DDX21: variants seen among roughly 807,000 people sequenced by gnomAD.
DDX21 encodes the protein DExD-box helicase 21, also known as nucleolar RNA helicase 2.
In DDX21, 18 loss-of-function variants were observed where a neutral mutation model predicts 90.0. The ratio of observed to expected loss-of-function variants is 0.20; its 90% CI spans 0.14 to 0.30. DDX21 has a LOEUF of 0.30. DDX21 is among the 10% of genes least tolerant of loss of function. The pLI is 1.00. For missense variants in DDX21, 673 were observed against 944.5 expected, an observed-to-expected ratio of 0.71 and a Z score of 3.77; for synonymous variants, 294 against 318.0, an observed-to-expected ratio of 0.92 and a Z score of 0.80.
rs182572386 is a variant in DDX21 at position 68,977,402 on chromosome 10, T to G, written c.1743-127T>G. The G allele has an allele frequency of 1.1e-4, 93 of 835,500 alleles. No individual in the cohort carries two copies. In the East Asian group the frequency reaches 2.0e-3, roughly 18 times the overall value. 51.8% of individuals were successfully genotyped at this position (835,500 alleles called of 1,614,324 possible). A position where few individuals can be genotyped will look rare whatever the true frequency, so the allele number is the denominator to read the frequency against. The stretch of plus-strand genomic sequence containing the variant: ...CTATAGAAATATGATTATTATATAC[T>G]GCATCAAAAATAAATATGTTACACA... On this transcript the variant is annotated intron_variant, in intron 11 of 14. Transcript: ENST00000354185.
intron 4 of DDX21, chr10:68,964,238 T>C (rs1201240883): frequency 1.1e-5 from 3 of 271,578 alleles, no homozygotes; most frequent in Non-Finnish European, 2.2e-5. Flanking sequence ...ATTAACCTCA[T>C]TGAAATGACT....
Position 68,963,394 on chromosome 10 carries a change from A to T in DDX21, c.711A>T (p.Thr237=), listed in dbSNP as rs1842898127. The change falls in exon 4 of 15, where the codon ACA becomes ACT. Residue 237 remains threonine, a synonymous_variant. Coordinates refer to ENST00000354185, the MANE Select transcript of DDX21 (RefSeq NM_004728.4). ...AGGCACGGACAGGAACTGGGAAGAC[A>T]TTCTCCTTTGCCATCCCTTTGATTG... The part of the protein sequence containing the change: ...IAQARTGTGK[T]FSFAIPLIEK... 1.2e-6 allele frequency: 2 copies of T among 1,614,184 alleles called. No individual in the cohort carries two copies. Among genetic ancestry groups the T allele is most frequent in the Non-Finnish European group, 1.7e-6 (2 of 1,180,026 alleles).
At chr10:68,968,939 T>C (rs1319139308) in intron 6 of DDX21, 37 bp from the exon 7 acceptor site, 1 of 1,608,798 alleles carries the variant, frequency 6.2e-7, no homozygotes, top group South Asian at 1.1e-5. Context: ...CTTGTTTGGA[T>C]TATTCATACT....
Position 68,956,185 on chromosome 10 carries a change from C to T in DDX21, c.-41C>T, listed in dbSNP as rs1218985030. 7 of 1,600,886 alleles carry T rather than the reference C, an allele frequency of 4.4e-6. No individual in the cohort carries two copies. Among genetic ancestry groups the T allele is most frequent in the Non-Finnish European group, 6.0e-6 (7 of 1,169,716 alleles). On this transcript the variant is annotated 5_prime_UTR_variant, in exon 1 of 15. Coordinates refer to ENST00000354185, the MANE Select transcript of DDX21 (RefSeq NM_004728.4). ...GGGGAACTACCTCTTCCTCTCCACG[C>T]GGTTGAGAAGACCGGTCGGCCTGGG...
Position 68,960,205 on chromosome 10 carries a change from C to G in DDX21, c.487C>G (p.Pro163Ala). 6.2e-7 allele frequency: 1 copy of G among 1,608,330 alleles called. No homozygotes were observed. The highest frequency in any genetic ancestry group is 1.3e-5 in the African/African-American group (1 of 74,460). The change falls in exon 2 of 15, where the codon CCC (proline) becomes GCC (alanine). Residue 163 changes from proline (P) to alanine (A), a missense_variant. Around this residue, in one of 4 missense-constraint regions of DDX21, gnomAD observed 204 missense variants for 221.6 expected, o/e 0.92. Coordinates refer to ENST00000354185, the MANE Select transcript of DDX21 (RefSeq NM_004728.4). Reference protein sequence around the residue: ...GFPHPEPDCNPSEAASEESNS... With the variant: ...GFPHPEPDCNASEAASEESNS... ...TCCTCATCCTGAACCGGACTGTAAC[C>G]CCAGTGAAGCTGCCAGTGAAGAAAG...
At chr10:68,980,792 T>C (rs1045708923) in intron 13 of DDX21, among the ~76,000 whole-genome samples, 6 of 147,476 alleles carry the variant, frequency 4.1e-5, no homozygotes, top group African/African-American at 1.0e-4. Flanking sequence ...AGATAATTCT[T>C]GAGACCAGCC....
chr10:68,959,306 C>A (rs538306563), intron 1 of DDX21, among the ~76,000 whole-genome samples: 1 of 152,128 alleles, frequency 6.6e-6, no homozygotes, highest in African/African-American at 2.4e-5. Context: ...CCAGCCTGGG[C>A]AACATGGGAA....
intron 1 of DDX21, among the ~76,000 whole-genome samples, chr10:68,958,362 G>T (rs1441835032): frequency 2.0e-5 from 3 of 151,996 alleles, no homozygotes; most frequent in Admixed American, 6.6e-5. Flanking sequence ...TTGAATTCCT[G>T]GGCTCAAGCA....
Position 68,960,192 on chromosome 10 carries a change from A to G in DDX21, c.474A>G (p.Glu158=), listed in dbSNP as rs1439394738. The change falls in exon 2 of 15, where the codon GAA becomes GAG. Residue 158 remains glutamate, a synonymous_variant. Coordinates refer to ENST00000354185, the MANE Select transcript of DDX21 (RefSeq NM_004728.4). The part of the protein sequence containing the change: ...PKLKNGFPHP[E]PDCNPSEAAS... ...TGAAGAATGGATTTCCTCATCCTGA[A>G]CCGGACTGTAACCCCAGTGAAGCTG... The G allele has an allele frequency of 2.5e-5, 40 of 1,612,372 alleles. No individual in the cohort carries two copies. Among genetic ancestry groups the G allele is most frequent in the Non-Finnish European group, 3.1e-5 (37 of 1,179,648 alleles).
At chr10:68,960,332 T>C in intron 2 of DDX21, 83 bp downstream of exon 2, 1 of 1,357,354 alleles carries the variant, frequency 7.4e-7, no homozygotes, top group Non-Finnish European at 9.8e-7. Context: ...ATGTACTCTT[T>C]AATAGTAGGA....
At chr10:68,981,267 T>TA (rs1294037114) in intron 13 of DDX21, among the ~76,000 whole-genome samples, 1 of 152,216 alleles carries the variant, frequency 6.6e-6, no homozygotes, top group African/African-American at 2.4e-5. Context: ...ACTAGGGGGT[T>TA]AGCACAGTGT....
intron 11 of DDX21, among the ~76,000 whole-genome samples, chr10:68,977,071 C>T (rs1485142642): frequency 2.0e-5 from 3 of 151,980 alleles, no homozygotes; most frequent in Admixed American, 6.6e-5. Flanking sequence ...CCACCACACC[C>T]AGCTTTTTTT....
At chr10:68,972,964 C>T (rs1843047719) in intron 9 of DDX21, among the ~76,000 whole-genome samples, 1 of 152,106 alleles carries the variant, frequency 6.6e-6, no homozygotes, top group African/African-American at 2.4e-5. Flanking sequence ...GCAAACGAAT[C>T]ACTTAAGGTC....
At chr10:68,980,441 CTG>C (rs1249741637) in intron 13 of DDX21, among the ~76,000 whole-genome samples, 2 of 152,130 alleles carry the variant, frequency 1.3e-5, no homozygotes, top group African/African-American at 4.8e-5. Flanking sequence ...AAGGCAAAAA[CTG>C]TTTTCTAATT....
chr10:68,961,391 A>G (rs1842870574), intron 2 of DDX21, among the ~76,000 whole-genome samples: 1 of 152,234 alleles, frequency 6.6e-6, no homozygotes, highest in South Asian at 2.1e-4. Context: ...TTCACCATTC[A>G]TTTAGTAAAT....
At position 68,970,331 on chromosome 10, in the gene DDX21, A is replaced by G; in HGVS notation, c.1367A>G (p.Gln456Arg). ...ETKKEAQELS[Q>R]NSAIKQDAQS... ...AAGAAAGAAGCCCAGGAGCTGTCCC[A>G]GAATTCAGCTATAAAGCAGGTTGGT... The change falls in exon 8 of 15, where the codon CAG becomes CGG. Residue 456 changes from glutamine (Q) to arginine (R), a missense_variant. By Grantham distance (43) the Gln-to-Arg change is conservative. Coordinates refer to ENST00000354185, the MANE Select transcript of DDX21 (RefSeq NM_004728.4). 6.2e-7 allele frequency: 1 copy of G among 1,614,028 alleles called. No individual in the cohort carries two copies. Among genetic ancestry groups the G allele is most frequent in the South Asian group, 1.1e-5 (1 of 91,066 alleles).
intron 1 of DDX21, 79 bp from the exon 2 acceptor site, chr10:68,959,727 A>G: frequency 9.3e-7 from 1 of 1,079,554 alleles, no homozygotes; most frequent in Non-Finnish European, 1.3e-6. Flanking sequence ...TGATCTTGAA[A>G]TAATCCAGAA....
At chr10:68,959,765 C>A in intron 1 of DDX21, 41 bp from the exon 2 acceptor site, 3 of 1,361,940 alleles carry the variant, frequency 2.2e-6, no homozygotes, top group South Asian at 3.1e-5. Flanking sequence ...TGTATAAATG[C>A]CTTATTCAGT....
intron 7 of DDX21, among the ~76,000 whole-genome samples, chr10:68,969,693 T>G (rs557407823): frequency 6.6e-6 from 1 of 152,340 alleles, no homozygotes; most frequent in Non-Finnish European, 1.5e-5. Flanking sequence ...ATTTAAACAT[T>G]AGAGGGCAGC....
Sources: allele counts gnomAD v4.1 joint callset (sites outside exome capture counted in the v4.1 genomes callset), GRCh38; gene constraint gnomAD v4.1.1; regional missense constraint gnomAD v4.1.1; transcripts MANE v1.5; gene names NCBI Gene and HGNC (gene_info 2026-07-23, HGNC 2026-07-21).